Variants in DAB1 observed in about 807,000 individuals in gnomAD.
DAB1 encodes DAB adaptor protein 1.
Under a neutral mutation model 64.6 loss-of-function variants are expected in DAB1, and 15 were observed. That is an observed-to-expected ratio of 0.23 (90% confidence interval 0.16 to 0.36). DAB1 has a LOEUF of 0.36. Among genes scored for constraint, DAB1 ranks in the 10% least tolerant of loss-of-function variants. The pLI is 1.00. For missense variants in DAB1, 596 were observed against 706.7 expected (o/e 0.84, Z 1.78); for synonymous variants, 235 against 251.9 (o/e 0.93, Z 0.64).
chr1:57,802,558 C>T (rs1000200657), intron 6 of DAB1, among the ~76,000 whole-genome samples: 3 of 152,234 alleles, frequency 2.0e-5, no homozygotes, highest in East Asian at 1.9e-4. Flanking sequence ...AATCCAGTGT[C>T]GAATCATAAC....
intron 3 of DAB1, among the ~76,000 whole-genome samples, chr1:58,396,135 AG>A (rs1428461413): frequency 2.8e-5 from 3 of 108,040 alleles, no homozygotes; most frequent in African/African-American, 3.5e-5. Context: ...GAGGGAGGGG[AG>A]GGGGGGATGG....
At chr1:57,603,872 T>C (rs940862396) in intron 7 of DAB1, among the ~76,000 whole-genome samples, 74 of 152,332 alleles carry the variant, frequency 4.9e-4, no homozygotes, top group African/African-American at 1.6e-3. Context: ...CTGCTTCTGG[T>C]ACCAGCCACA....
At chr1:58,132,637 C>G (rs1160634704) in intron 5 of DAB1, among the ~76,000 whole-genome samples, 1 of 152,176 alleles carries the variant, frequency 6.6e-6, no homozygotes, top group Admixed American at 6.5e-5. Context: ...GAGCATCTCA[C>G]TTCTTGTTTT....
At chr1:58,424,261 G>T (rs2100227402) in intron 3 of DAB1, among the ~76,000 whole-genome samples, 1 of 152,304 alleles carries the variant, frequency 6.6e-6, no homozygotes, top group South Asian at 2.1e-4. Flanking sequence ...TTCTATTTGG[G>T]CCTTCAACTG....
At chr1:58,324,205 G>A (rs903188728) in intron 4 of DAB1, among the ~76,000 whole-genome samples, 7 of 152,038 alleles carry the variant, frequency 4.6e-5, no homozygotes, top group Admixed American at 6.6e-5. Flanking sequence ...TAATAGCCTC[G>A]CTGCATATGC....
chr1:57,006,521 G>A (rs17416655), intron 14 of DAB1, among the ~76,000 whole-genome samples: 4,986 of 152,272 alleles, frequency 0.033, 81 homozygotes, highest in South Asian at 0.039. Context: ...CACTATGCCT[G>A]AGGTCTTGGC....
Position 58,199,186 on chromosome 1 carries a change from G to C in DAB1, n.310-48598C>G, listed in dbSNP as rs967412967. Among the ~76,000 whole-genome samples the C allele has an allele frequency of 2.6e-5, 4 of 152,164 alleles. No homozygotes were observed. In the East Asian group the frequency reaches 7.7e-4, roughly 29 times the overall value. Reference sequence around the variant, plus strand: ...CCATAAGAAGCTATGGAAAGAGGCAGCCTCAAAAACAGGTGAGCCAAGAAT... The same window carrying C: ...CCATAAGAAGCTATGGAAAGAGGCACCCTCAAAAACAGGTGAGCCAAGAAT... On this transcript the variant is annotated intron_variant and non_coding_transcript_variant, in intron 4 of 20. Coordinates refer to the DAB1 transcript ENST00000485760.
intron 7 of DAB1, among the ~76,000 whole-genome samples, chr1:57,593,687 C>T (rs1429660244): frequency 6.6e-6 from 1 of 152,180 alleles, no homozygotes; most frequent in Non-Finnish European, 1.5e-5. Context: ...TTCAGGACAG[C>T]AGTGCCTGTC....
At chr1:57,950,422 C>G (rs973724917) in intron 5 of DAB1, among the ~76,000 whole-genome samples, 1 of 152,168 alleles carries the variant, frequency 6.6e-6, no homozygotes, top group African/African-American at 2.4e-5. Flanking sequence ...CATCTTTGAT[C>G]ACTAGCACTG....
chr1:57,719,691 G>T (rs112228433), intron 6 of DAB1, among the ~76,000 whole-genome samples: 1 of 152,110 alleles, frequency 6.6e-6, no homozygotes, highest in Non-Finnish European at 1.5e-5. Flanking sequence ...CACTATGAAG[G>T]CCACTATGTG....
intron 7 of DAB1, among the ~76,000 whole-genome samples, chr1:57,441,904 G>A (rs1042440823): frequency 2.0e-5 from 3 of 152,208 alleles, no homozygotes; most frequent in African/African-American, 7.2e-5. Context: ...ATTCCCAATA[G>A]TGTATAAGTG....
intron 3 of DAB1, among the ~76,000 whole-genome samples, chr1:58,367,494 G>A (rs1241367945): frequency 6.6e-6 from 1 of 152,188 alleles, no homozygotes; most frequent in African/African-American, 2.4e-5. Context: ...CTCTCACCAG[G>A]ACTGACCTAC....
chr1:58,020,597 G>C (rs1368374783), intron 5 of DAB1, among the ~76,000 whole-genome samples: 1 of 152,184 alleles, frequency 6.6e-6, no homozygotes, highest in Non-Finnish European at 1.5e-5. Flanking sequence ...CAGAAAAAGA[G>C]GTATAGCAGG....
At chr1:58,150,006 G>C (rs902492209) in intron 5 of DAB1, among the ~76,000 whole-genome samples, 7 of 152,216 alleles carry the variant, frequency 4.6e-5, no homozygotes, top group African/African-American at 1.7e-4. Flanking sequence ...AAGAGGGAGA[G>C]AGCCAATGAT....
chr1:57,263,219 G>A (rs185108289), intron 2 of DAB1, among the ~76,000 whole-genome samples: 2 of 151,954 alleles, frequency 1.3e-5, no homozygotes, highest in Admixed American at 6.5e-5. Flanking sequence ...GGGTTCAAGC[G>A]ATTCTCCTGC....
At chr1:57,992,691 A>G (rs1646363736) in intron 5 of DAB1, among the ~76,000 whole-genome samples, 1 of 152,056 alleles carries the variant, frequency 6.6e-6, no homozygotes, top group South Asian at 2.1e-4. Context: ...TAACCTTATA[A>G]TAAGGCAGTT....
intron 6 of DAB1, among the ~76,000 whole-genome samples, chr1:57,730,813 C>A (rs932671351): frequency 1.3e-5 from 2 of 152,100 alleles, no homozygotes; most frequent in Admixed American, 6.5e-5. Context: ...TACGAAGAAA[C>A]CCCAGAAAAT....
chr1:57,700,790 T>C (rs140892988), intron 6 of DAB1, among the ~76,000 whole-genome samples: 2 of 152,342 alleles, frequency 1.3e-5, no homozygotes, highest in African/African-American at 4.8e-5. Flanking sequence ...TCCCTTGCTC[T>C]TTCTCAATTC....
At position 57,827,162 on chromosome 1, in the gene DAB1, A is replaced by T. The variant is rs188219646; in HGVS notation, n.88-707T>A. Among the ~76,000 whole-genome samples, 611 of 152,290 alleles carry T rather than the reference A, an allele frequency of 4.0e-3. 2 individuals carry two copies. Among genetic ancestry groups the T allele is most frequent in the African/African-American group, 0.014 (595 of 41,546 alleles). On this transcript the variant is annotated intron_variant and non_coding_transcript_variant, in intron 1 of 1. Transcript: ENST00000477280. ...TGCCAAAGGCCAGATCCAGTTTTTG[A>T]TTCCCTTTTTTTATTTAACATTTAT... is the stretch of plus-strand genomic sequence containing the variant.
Sources: allele counts gnomAD v4.1 joint callset (sites outside exome capture counted in the v4.1 genomes callset), GRCh38; gene constraint gnomAD v4.1.1; transcripts MANE v1.5; gene names NCBI Gene and HGNC (gene_info 2026-07-23, HGNC 2026-07-21).